The following TF variants were observed in gnomAD, a reference collection of about 807,000 sequenced individuals.
TF encodes the protein transferrin, also known as serotransferrin.
TF carries 55 observed loss-of-function variants against 82.4 expected under a neutral mutation model. The observed-to-expected ratio is 0.67, with a 90% confidence interval of 0.54 to 0.84. The LOEUF is 0.84. Among genes scored for constraint, TF ranks in the 40% least tolerant of loss-of-function variants. TF has a pLI of 0.00. For missense variants in TF, 737 were observed against 868.4 expected (o/e 0.85, Z 1.90); for synonymous variants, 332 against 332.6 (o/e 1.00, Z 0.02).
chr3:133,742,857 G>A (rs557432211), upstream of TF, among the ~76,000 whole-genome samples: 2 of 152,240 alleles, frequency 1.3e-5, no homozygotes, highest in East Asian at 3.9e-4. Flanking sequence ...TTTCCTGCAC[G>A]TACACACAAG....
the TF span, among the ~76,000 whole-genome samples, chr3:133,730,174 G>A: frequency 6.6e-6 from 1 of 152,144 alleles, no homozygotes; most frequent in Non-Finnish European, 1.5e-5. Flanking sequence ...CCAGCAGAAG[G>A]CAGATCTTCT....
Position 133,781,038 on chromosome 3 carries a change from G to A in TF, c.*2418G>A, listed in dbSNP as rs890112368. The A allele has an allele frequency of 1.3e-5, 2 of 151,442 alleles. No homozygotes were observed. Among genetic ancestry groups the A allele is most frequent in the African/African-American group, 4.9e-5 (2 of 41,132 alleles). The allele number at this position is 151,442 out of a possible 1,614,324, so 9.4% of individuals were successfully genotyped here. On this transcript the variant is annotated 3_prime_UTR_variant, in exon 17 of 17. Transcript: ENST00000402696. ...AAAATAATAAAAATAATAATAATAG[G>A]CAGGGCGTGGTGGCTCACACCTGTA...
chr3:133,777,239 G>A lies in TF; in HGVS notation c.2062+1G>A. ...AACCTGAGAAAATGCTCCACCTCAT[G>A]TGAGTAGGAGGAACAGCATGGGGAA... On this transcript the variant is annotated splice_donor_variant, in intron 16 of 16. Coordinates refer to ENST00000402696, the MANE Select transcript of TF (RefSeq NM_001063.4). LOFTEE classifies it high-confidence loss of function. 6.2e-7 allele frequency: 1 copy of A among 1,611,460 alleles called. No homozygotes were observed.
chr3:133,724,365 G>T, the TF span, among the ~76,000 whole-genome samples: 1 of 152,124 alleles, frequency 6.6e-6, no homozygotes, highest in Non-Finnish European at 1.5e-5. Flanking sequence ...GTGTAAGATG[G>T]TATCTCATTG....
chr3:133,727,556 C>T, the TF span, among the ~76,000 whole-genome samples: 211 of 107,290 alleles, frequency 2.0e-3, 13 homozygotes, highest in African/African-American at 7.4e-3. Flanking sequence ...TGTCTCTGCA[C>T]GTGAGATGGG....
At chr3:133,684,433 T>A in the TF span, among the ~76,000 whole-genome samples, 1 of 152,028 alleles carries the variant, frequency 6.6e-6, no homozygotes, top group Non-Finnish European at 1.5e-5. Flanking sequence ...TTTGAAAAGT[T>A]CAACAAAATT....
Position 133,775,485 on chromosome 3 carries a change from G to A in TF, c.1740G>A (p.Leu580=), listed in dbSNP as rs763035131. The change falls in exon 15 of 17, where the codon TTG becomes TTA. Residue 580 remains leucine, a synonymous_variant. Coordinates refer to ENST00000402696, the MANE Select transcript of TF (RefSeq NM_001063.4). ...AKNLNEKDYE[L]LCLDGTRKPV... is the part of the protein sequence containing the mutation. ...ATCTGAATGAAAAAGACTATGAGTT[G>A]CTGTGCCTTGATGGTACCAGGAAAC... 6.2e-7 allele frequency: 1 copy of A among 1,614,224 alleles called. No homozygotes were observed. The highest frequency in any genetic ancestry group is 2.2e-5 in the East Asian group (1 of 44,884).
At chr3:133,744,868 T>C (rs1933460063), upstream of TF, among the ~76,000 whole-genome samples, 1 of 152,242 alleles carries the variant, frequency 6.6e-6, no homozygotes, top group East Asian at 1.9e-4. Context: ...TTCATTCATA[T>C]TGAATGTGTG....
the TF span, among the ~76,000 whole-genome samples, chr3:133,739,761 T>G: frequency 6.6e-6 from 1 of 152,126 alleles, no homozygotes; most frequent in South Asian, 2.1e-4. Flanking sequence ...ATTAGAGAAA[T>G]GCAAATCAAA....
chr3:133,748,433 A>G lies in TF; in HGVS notation c.65A>G (p.Asp22Gly), dbSNP rs1213951550. ...AVLGLCLAVPDKTVRWCAVSE... is the reference protein window; with the variant it reads ...AVLGLCLAVPGKTVRWCAVSE... ...CCAGGGCTGTGTCTGGCTGTCCCTG[A>G]TAAAACTGTGAGATGGTGTGCAGTG... The change falls in exon 2 of 17, where the codon GAT becomes GGT. Residue 22 changes from aspartate to glycine, a missense_variant. By Grantham distance (94) the Asp-to-Gly change is moderately conservative. Coordinates refer to ENST00000402696, the MANE Select transcript of TF (RefSeq NM_001063.4). 1 of 1,613,970 alleles carries G rather than the reference A, an allele frequency of 6.2e-7. No homozygotes were observed. The highest frequency in any genetic ancestry group is 1.3e-5 in the African/African-American group (1 of 74,884).
chr3:133,782,658 A>G lies in TF; in HGVS notation c.*4038A>G, dbSNP rs1286809835. On this transcript the variant is annotated 3_prime_UTR_variant, in exon 17 of 17. Transcript: ENST00000402696. Reference sequence around the variant, plus strand: ...GGAGAGATGTAGGTCAGAGGATACAAAGCAGCAGATAGGAGGGCTAGGCGC... The same window carrying G: ...GGAGAGATGTAGGTCAGAGGATACAGAGCAGCAGATAGGAGGGCTAGGCGC... 6.6e-6 allele frequency: 1 copy of G among 152,220 alleles called. No individual in the cohort carries two copies. The highest frequency in any genetic ancestry group is 6.6e-5 in the Admixed American group (1 of 15,264). The allele number at this position is 152,220 out of a possible 1,614,324, so 9.4% of individuals were successfully genotyped here.
chr3:133,743,736 C>T (rs1266057956), upstream of TF, among the ~76,000 whole-genome samples: 1 of 152,178 alleles, frequency 6.6e-6, no homozygotes, highest in Non-Finnish European at 1.5e-5. Context: ...AACTCCAGAA[C>T]ATCTCTGGTA....
chr3:133,703,978 C>A, the TF span, among the ~76,000 whole-genome samples: 1 of 152,272 alleles, frequency 6.6e-6, no homozygotes, highest in Non-Finnish European at 1.5e-5. Flanking sequence ...CAGGACGCAG[C>A]ATGGGTCTCA....
chr3:133,750,938 A>T (rs576771052), intron 2 of TF, among the ~76,000 whole-genome samples: 1 of 152,334 alleles, frequency 6.6e-6, no homozygotes, highest in East Asian at 1.9e-4. Flanking sequence ...GTGTTTGCAG[A>T]TTAAACAAAA....
chr3:133,678,479 A>C, the TF span, among the ~76,000 whole-genome samples: 2 of 152,210 alleles, frequency 1.3e-5, no homozygotes, highest in South Asian at 2.1e-4. Context: ...TCCCACCAAC[A>C]GTGTAAAAGC....
the TF span, among the ~76,000 whole-genome samples, chr3:133,689,097 G>A: frequency 2.0e-5 from 3 of 152,088 alleles, no homozygotes; most frequent in Non-Finnish European, 2.9e-5. Context: ...AGGCCAAGAC[G>A]GGTGGATCAC....
chr3:133,775,685 C>A (rs1880668), intron 15 of TF, 68 bp downstream of exon 15: 350,402 of 1,530,834 alleles, frequency 0.23, 44,227 homozygotes, highest in Non-Finnish European at 0.26. Flanking sequence ...GGGGAGTTTA[C>A]AACAAAGTGC....
chr3:133,745,848 G>C (rs540549818), upstream of TF: 4 of 155,914 alleles, frequency 2.6e-5, no homozygotes, highest in South Asian at 8.0e-4. Flanking sequence ...GGGGACCTTT[G>C]AGAGCCCAGG....
chr3:133,700,630 C>T, the TF span, among the ~76,000 whole-genome samples: 1 of 152,134 alleles, frequency 6.6e-6, no homozygotes, highest in Non-Finnish European at 1.5e-5. Context: ...GAGCCTCAGC[C>T]CACAGTGGAA....
Sources: gnomAD v4.1 joint callset for allele counts (sites outside exome capture counted in the v4.1 genomes callset) on GRCh38, gnomAD v4.1.1 for gene constraint, MANE v1.5 for transcripts, NCBI Gene and HGNC (gene_info 2026-07-23, HGNC 2026-07-21) for gene names.